The following RORA variants were observed in gnomAD, a reference collection of about 807,000 sequenced individuals.
RORA encodes the protein nuclear receptor ROR-alpha.
A neutral mutation model predicts 69.5 loss-of-function variants in RORA; 7 were observed. The ratio of observed to expected loss-of-function variants is 0.10; its 90% CI spans 0.06 to 0.19. RORA has a LOEUF of 0.19. Among genes scored for constraint, RORA ranks in the 10% least tolerant of loss-of-function variants. RORA has a pLI of 1.00. For missense variants in RORA, 457 were observed against 663.0 expected (o/e 0.69, Z 3.41); for synonymous variants, 261 against 240.8 (o/e 1.08, Z -0.78).
At chr15:61,201,049 CACA>C (rs1327927583) in intron 1 of RORA, among the ~76,000 whole-genome samples, 1 of 152,204 alleles carries the variant, frequency 6.6e-6, no homozygotes, top group Non-Finnish European at 1.5e-5. Context: ...AATTAGGCTG[CACA>C]ACAATTATTA....
chr15:61,111,258 T>C (rs1384555334), intron 1 of RORA, among the ~76,000 whole-genome samples: 1 of 152,210 alleles, frequency 6.6e-6, no homozygotes, highest in East Asian at 1.9e-4. Context: ...TAAGTAGTTC[T>C]AGAGGAGGTA....
At chr15:61,026,038 G>T (rs1182630926) in intron 1 of RORA, among the ~76,000 whole-genome samples, 1 of 152,130 alleles carries the variant, frequency 6.6e-6, no homozygotes, top group Non-Finnish European at 1.5e-5. Flanking sequence ...CATTTTCCAT[G>T]AACATTAAAG....
intron 1 of RORA, among the ~76,000 whole-genome samples, chr15:60,726,660 C>G (rs2071360816): frequency 6.6e-6 from 1 of 152,216 alleles, no homozygotes; most frequent in Non-Finnish European, 1.5e-5. Context: ...GCATGTGTCT[C>G]CCGTGGGGCT....
intron 2 of RORA, among the ~76,000 whole-genome samples, chr15:60,668,638 A>G (rs2070415502): frequency 6.6e-6 from 1 of 152,174 alleles, no homozygotes; most frequent in Non-Finnish European, 1.5e-5. Context: ...AACAGCAGAG[A>G]CTGGTAACAA....
chr15:60,796,888 T>A (rs2072506124), intron 1 of RORA, among the ~76,000 whole-genome samples: 1 of 151,834 alleles, frequency 6.6e-6, no homozygotes, highest in African/African-American at 2.4e-5. Flanking sequence ...ACAGGCTACA[T>A]CCTGGATGAC....
At chr15:61,054,148 C>T (rs759811913) in intron 1 of RORA, among the ~76,000 whole-genome samples, 80 of 151,794 alleles carry the variant, frequency 5.3e-4, no homozygotes, top group Admixed American at 4.6e-4. Flanking sequence ...AGGATGATGA[C>T]GAATAAATGG....
chr15:61,165,294 C>T (rs1486358054), intron 1 of RORA, among the ~76,000 whole-genome samples: 3 of 152,172 alleles, frequency 2.0e-5, no homozygotes, highest in African/African-American at 4.8e-5. Context: ...GTCATCCATT[C>T]GGATTACTTC....
At chr15:60,812,520 T>C (rs1315482793) in intron 1 of RORA, among the ~76,000 whole-genome samples, 2 of 152,012 alleles carry the variant, frequency 1.3e-5, no homozygotes, top group Non-Finnish European at 2.9e-5. Flanking sequence ...TAAAAATAAA[T>C]AAATCAATAA....
intron 1 of RORA, among the ~76,000 whole-genome samples, chr15:60,968,887 CA>C (rs1325336948): frequency 8.5e-5 from 13 of 152,226 alleles, no homozygotes; most frequent in Non-Finnish European, 1.8e-4. Flanking sequence ...AGTTCAGGAT[CA>C]CAAGCTGCCT....
intron 1 of RORA, among the ~76,000 whole-genome samples, chr15:61,091,253 A>G (rs2078702382): frequency 6.6e-6 from 1 of 152,188 alleles, no homozygotes; most frequent in Non-Finnish European, 1.5e-5. Context: ...GAAGGCTGCT[A>G]TGTGTCAGAG....
intron 1 of RORA, among the ~76,000 whole-genome samples, chr15:60,751,282 A>G (rs1412043452): frequency 6.6e-6 from 1 of 152,204 alleles, no homozygotes; most frequent in Non-Finnish European, 1.5e-5. Flanking sequence ...GGCAAATAAC[A>G]TCAGGAGGAA....
At position 61,209,270 on chromosome 15, in the gene RORA, A is replaced by C. The variant is rs916136146; in HGVS notation, c.166+19783T>G. 4.1e-3 allele frequency among the ~76,000 whole-genome samples: 41 copies of C among 9,960 alleles called. 2 individuals carry two copies. Among genetic ancestry groups the C allele is most frequent in the Admixed American group, 9.6e-3 (12 of 1,246 alleles). The allele number at this position is 9,960 out of a possible 152,430, so 6.5% of individuals were successfully genotyped here. The stretch of plus-strand genomic sequence containing the variant: ...TGAAGGAACTTGTTGTTGAATTACA[A>C]AAAAAAAAAAAAATTCACACACTCT... On this transcript the variant is annotated intron_variant, in intron 1 of 10. Coordinates refer to ENST00000335670, the MANE Select transcript of RORA (RefSeq NM_134261.3).
At chr15:60,820,057 G>A (rs1434200961) in intron 1 of RORA, among the ~76,000 whole-genome samples, 2 of 152,234 alleles carry the variant, frequency 1.3e-5, no homozygotes, top group Non-Finnish European at 2.9e-5. Flanking sequence ...GCGTGTGCAC[G>A]CGGTCCTCCC....
chr15:60,746,923 CA>C (rs1319365475), intron 1 of RORA, among the ~76,000 whole-genome samples: 1 of 152,166 alleles, frequency 6.6e-6, no homozygotes, highest in Non-Finnish European at 1.5e-5. Context: ...AATTCCATAT[CA>C]AATTACTCTG....
At chr15:60,937,504 G>C (rs898134383) in intron 1 of RORA, among the ~76,000 whole-genome samples, 1 of 152,310 alleles carries the variant, frequency 6.6e-6, no homozygotes, top group South Asian at 2.1e-4. Context: ...AACTGGGTGA[G>C]ATCATTCAGT....
chr15:61,157,885 T>TTAGTAA (rs1438889087), intron 1 of RORA, among the ~76,000 whole-genome samples: 1 of 152,042 alleles, frequency 6.6e-6, no homozygotes, highest in African/African-American at 2.4e-5. Context: ...CAGACCCAGA[T>TTAGTAA]TAGTAAAATT....
rs142337702 is a variant in RORA, at chr15:60,943,062, G to C, written c.167-264376C>G. On this transcript the variant is annotated intron_variant, in intron 1 of 10. Transcript: ENST00000335670. ...TTGCTTCACCCAAATCAAGAAAGCT[G>C]GAGTCAGGGTACCTGTATCCATCTT... is the stretch of plus-strand genomic sequence containing the variant. 3.3e-4 allele frequency among the ~76,000 whole-genome samples: 50 copies of C among 152,328 alleles called. No individual in the cohort carries two copies. In the East Asian group the frequency reaches 8.7e-3, roughly 26 times the overall value.
At chr15:60,645,261 G>A (rs888800929) in intron 2 of RORA, among the ~76,000 whole-genome samples, 12 of 151,880 alleles carry the variant, frequency 7.9e-5, no homozygotes, top group African/African-American at 2.9e-4. Flanking sequence ...AGAGGAGGAA[G>A]TAGGAATCTC....
chr15:60,498,315 G>C (rs534383006), intron 10 of RORA, among the ~76,000 whole-genome samples: 2 of 152,110 alleles, frequency 1.3e-5, no homozygotes, highest in African/African-American at 4.8e-5. Flanking sequence ...ATGGAGAAGC[G>C]GGTGAGGGGC....
Sources: allele counts gnomAD v4.1 joint callset (sites outside exome capture counted in the v4.1 genomes callset), GRCh38; gene constraint gnomAD v4.1.1; transcripts MANE v1.5; gene names NCBI Gene and HGNC (gene_info 2026-07-23, HGNC 2026-07-21).